The following CRACD variants were observed in gnomAD, a reference collection of about 807,000 sequenced individuals.
The protein encoded by CRACD is capping protein inhibiting regulator of actin dynamics, also known as capping protein-inhibiting regulator of actin dynamics.
CRACD carries 56 observed loss-of-function variants against 106.8 expected under a neutral mutation model. That is an observed-to-expected ratio of 0.52 (90% CI 0.42 to 0.66). The LOEUF (loss-of-function observed/expected upper bound fraction) is 0.66, where lower values mean the gene tolerates loss of function less well. Ranked by LOEUF, CRACD falls within the 30% of genes least tolerant of loss-of-function variation. CRACD has a pLI of 0.00. For synonymous variants in CRACD, 754 were observed against 670.8 expected, an observed-to-expected ratio of 1.12 and a Z score of -1.92; for missense variants, 1,730 against 1,623.2, an observed-to-expected ratio of 1.07 and a Z score of -1.13.
At chr4:56,082,062 G>T (rs765632536) in intron 1 of CRACD, among the ~76,000 whole-genome samples, 1 of 152,160 alleles carries the variant, frequency 6.6e-6, no homozygotes, top group Admixed American at 6.5e-5. Context: ...AGTTTATTTC[G>T]TAAGAAATAT....
chr4:56,112,311 A>G (rs1273802087), intron 1 of CRACD, among the ~76,000 whole-genome samples: 1 of 152,286 alleles, frequency 6.6e-6, no homozygotes, highest in African/African-American at 2.4e-5. Flanking sequence ...GATGGCTTTC[A>G]GGTAAGGATT....
intron 1 of CRACD, among the ~76,000 whole-genome samples, chr4:56,103,937 G>A (rs1733860493): frequency 6.6e-6 from 1 of 152,078 alleles, no homozygotes; most frequent in Non-Finnish European, 1.5e-5. Context: ...ACCAAGCCTG[G>A]CTAGTTTTTT....
intron 1 of CRACD, among the ~76,000 whole-genome samples, chr4:56,161,243 TG>T (rs1735939398): frequency 1.3e-5 from 2 of 152,200 alleles, no homozygotes; most frequent in African/African-American, 4.8e-5. Flanking sequence ...AATAATATTT[TG>T]CTTTTGCATA....
chr4:56,069,324 G>A (rs1732559172), intron 1 of CRACD, among the ~76,000 whole-genome samples: 1 of 152,226 alleles, frequency 6.6e-6, no homozygotes, highest in African/African-American at 2.4e-5. Flanking sequence ...TGGATTTCAT[G>A]GAAAAGATTG....
chr4:56,150,525 T>A (rs1014923369), intron 1 of CRACD, among the ~76,000 whole-genome samples: 1 of 152,170 alleles, frequency 6.6e-6, no homozygotes, highest in Non-Finnish European at 1.5e-5. Flanking sequence ...AAACAACACC[T>A]ACCCGCTATG....
chr4:56,199,023 T>C (rs972618854), intron 2 of CRACD, among the ~76,000 whole-genome samples: 2 of 152,094 alleles, frequency 1.3e-5, no homozygotes, highest in Non-Finnish European at 2.9e-5. Context: ...TTTCATCTCC[T>C]CTGGAATGGA....
At chr4:56,057,147 T>A (rs146316178) in intron 1 of CRACD, among the ~76,000 whole-genome samples, 1 of 152,316 alleles carries the variant, frequency 6.6e-6, no homozygotes, top group African/African-American at 2.4e-5. Flanking sequence ...TTGCATTATG[T>A]TTCTGTTGGG....
intron 2 of CRACD, among the ~76,000 whole-genome samples, chr4:56,191,269 T>C (rs1737357437): frequency 6.6e-6 from 1 of 152,080 alleles, no homozygotes; most frequent in Non-Finnish European, 1.5e-5. Context: ...TAGGGGAGAA[T>C]CCCTTTCCTT....
Position 56,232,533 on chromosome 4 carries a change from T to G in CRACD, c.-188-39788T>G, listed in dbSNP as rs1739684763. Among the ~76,000 whole-genome samples the G allele has an allele frequency of 3.3e-5, 5 of 152,252 alleles. No individual in the cohort carries two copies. The South Asian group carries it at 8.3e-4, about 25-fold the overall frequency. ...AAATGGCTAGATCCTAAGGTAGATG[T>G]ATGCTTAACTTTTTAAGCAATTACC... On this transcript the variant is annotated intron_variant, in intron 2 of 10. Transcript: ENST00000682029.
intron 2 of CRACD, among the ~76,000 whole-genome samples, chr4:56,257,950 G>T (rs1363547398): frequency 6.6e-6 from 1 of 151,758 alleles, no homozygotes; most frequent in Non-Finnish European, 1.5e-5. Flanking sequence ...CGTGCCTGTA[G>T]TCCTAGCTAC....
intron 1 of CRACD, among the ~76,000 whole-genome samples, chr4:56,173,215 T>C (rs544950492): frequency 3.9e-5 from 6 of 152,370 alleles, no homozygotes; most frequent in African/African-American, 1.4e-4. Flanking sequence ...TACCTTTGAC[T>C]ATACATGCTC....
intron 1 of CRACD, among the ~76,000 whole-genome samples, chr4:56,084,158 A>C (rs1733136062): frequency 6.6e-6 from 1 of 152,214 alleles, no homozygotes; most frequent in Admixed American, 6.5e-5. Context: ...CCAAAAGACC[A>C]GTGAAACTCT....
intron 1 of CRACD, among the ~76,000 whole-genome samples, chr4:56,133,215 A>G (rs900207252): frequency 6.6e-6 from 1 of 152,236 alleles, no homozygotes; most frequent in African/African-American, 2.4e-5. Context: ...GATGATGCAA[A>G]TTGTGTTTTA....
intron 1 of CRACD, among the ~76,000 whole-genome samples, chr4:56,069,318 T>C (rs997276723): frequency 6.6e-5 from 10 of 152,324 alleles, no homozygotes; most frequent in African/African-American, 2.4e-4. Flanking sequence ...TGAGCTTGGA[T>C]TTCATGGAAA....
chr4:56,301,344 CCT>C, intron 4 of CRACD: 1 of 704,318 alleles, frequency 1.4e-6, no homozygotes, highest in Non-Finnish European at 2.1e-6. Context: ...TAGTAAGCAG[CCT>C]AAGAGACCGC....
intron 1 of CRACD, among the ~76,000 whole-genome samples, chr4:56,051,224 A>G (rs141908654): frequency 1.3e-5 from 2 of 152,218 alleles, no homozygotes; most frequent in Non-Finnish European, 2.9e-5. Flanking sequence ...TGAAAAAAAT[A>G]CAAGTGGATA....
At chr4:56,099,505 T>C (rs1208495709) in intron 1 of CRACD, among the ~76,000 whole-genome samples, 5 of 152,196 alleles carry the variant, frequency 3.3e-5, no homozygotes, top group Non-Finnish European at 5.9e-5. Context: ...TGGGGCATTT[T>C]AGGCTTTTGG....
At chr4:56,167,239 TA>T (rs1736190028) in intron 1 of CRACD, among the ~76,000 whole-genome samples, 1 of 152,224 alleles carries the variant, frequency 6.6e-6, no homozygotes, top group Admixed American at 6.5e-5. Context: ...GTAGAACTAT[TA>T]AAAAGCACGT....
At chr4:56,071,640 G>A (rs1409009693) in intron 1 of CRACD, among the ~76,000 whole-genome samples, 2 of 151,816 alleles carry the variant, frequency 1.3e-5, no homozygotes. Context: ...CTCCTGAGTA[G>A]CTGGTATTAC....
Sources: allele counts gnomAD v4.1 joint callset (sites outside exome capture counted in the v4.1 genomes callset), GRCh38; gene constraint gnomAD v4.1.1; transcripts MANE v1.5; gene names NCBI Gene and HGNC (gene_info 2026-07-23, HGNC 2026-07-21).